DOK6: variants seen among roughly 807,000 people sequenced by gnomAD.
The protein encoded by DOK6 is downstream of tyrosine kinase 6.
Under a neutral mutation model 44.0 loss-of-function variants are expected in DOK6, and 22 were observed. That is an observed-to-expected ratio of 0.50 (90% CI 0.36 to 0.71). The LOEUF is 0.71. Ranked by LOEUF, DOK6 falls within the 30% of genes least tolerant of loss-of-function variation. The pLI, the probability that DOK6 is intolerant of heterozygous loss-of-function variation, is 0.00. For missense variants in DOK6, 340 were observed against 416.4 expected, an observed-to-expected ratio of 0.82 and a Z score of 1.60; for synonymous variants, 166 against 145.5, an observed-to-expected ratio of 1.14 and a Z score of -1.01.
chr18:69,490,173 ATGGG>A (rs1210599764), intron 1 of DOK6, among the ~76,000 whole-genome samples: 1 of 152,168 alleles, frequency 6.6e-6, no homozygotes, highest in African/African-American at 2.4e-5. Context: ...TCTTGCTGTA[ATGGG>A]TGAATGCTCT....
intron 3 of DOK6, chr18:69,659,835 TAAC>T (rs1568325172): frequency 0.026 from 801 of 31,190 alleles, 169 homozygotes; most frequent in Admixed American, 0.15. Context: ...TATATATATA[TAAC>T]ATATATGTAT....
At chr18:69,826,110 G>T (rs1981733185) in intron 7 of DOK6, among the ~76,000 whole-genome samples, 1 of 152,038 alleles carries the variant, frequency 6.6e-6, no homozygotes, top group Non-Finnish European at 1.5e-5. Context: ...TCTCCTGTAG[G>T]CCTATCAGGT....
intron 7 of DOK6, among the ~76,000 whole-genome samples, chr18:69,800,334 G>T (rs1980867155): frequency 6.6e-6 from 1 of 152,018 alleles, no homozygotes; most frequent in African/African-American, 2.4e-5. Flanking sequence ...TTATAACAAA[G>T]AAGCTAAATC....
At chr18:69,634,879 T>C (rs751041307) in intron 3 of DOK6, among the ~76,000 whole-genome samples, 7 of 152,220 alleles carry the variant, frequency 4.6e-5, no homozygotes, top group Non-Finnish European at 8.8e-5. Context: ...TTTGTAATTT[T>C]TTCCCCTTTC....
chr18:69,726,852 T>TAA (rs35924499), intron 5 of DOK6, among the ~76,000 whole-genome samples: 31 of 131,800 alleles, frequency 2.4e-4, no homozygotes, highest in Middle Eastern at 3.9e-3. Flanking sequence ...TGATCCTTTT[T>TAA]AAAAAAAAAA....
At position 69,841,558 on chromosome 18, in the gene DOK6, AAG is replaced by A. The variant is rs1396159278; in HGVS notation, c.*176_*177del. On this transcript the variant is annotated 3_prime_UTR_variant, in exon 8 of 8. Transcript: ENST00000382713. ...GTTCTGCTTCCTTGATTCAGTGGCT[AAG>A]TCCTTTATTTATTGAATTTCTTTGG... 4.0e-6 allele frequency: 3 copies of A among 757,514 alleles called. No individual in the cohort carries two copies. The highest frequency in any genetic ancestry group is 5.9e-6 in the Non-Finnish European group (3 of 504,776). The allele number at this position is 757,514 out of a possible 1,614,324, so 46.9% of individuals were successfully genotyped here. A position where few individuals can be genotyped will look rare whatever the true frequency, so the allele number is the denominator to read the frequency against.
intron 3 of DOK6, among the ~76,000 whole-genome samples, chr18:69,622,604 T>C (rs1013703827): frequency 1.3e-5 from 2 of 152,176 alleles, no homozygotes; most frequent in Non-Finnish European, 2.9e-5. Context: ...ACTTTGTTTA[T>C]AAATAGTGAG....
intron 1 of DOK6, among the ~76,000 whole-genome samples, chr18:69,534,421 T>G (rs1484781675): frequency 1.3e-5 from 2 of 152,156 alleles, no homozygotes; most frequent in Non-Finnish European, 2.9e-5. Context: ...GTGTTTTAGA[T>G]ATATAATTGT....
At chr18:69,498,626 A>G (rs1980962720) in intron 1 of DOK6, among the ~76,000 whole-genome samples, 1 of 152,212 alleles carries the variant, frequency 6.6e-6, no homozygotes, top group Admixed American at 6.5e-5. Context: ...AAGTTACCCC[A>G]CAATTAAAAG....
chr18:69,776,882 C>T (rs764420014), intron 7 of DOK6, among the ~76,000 whole-genome samples: 2 of 151,188 alleles, frequency 1.3e-5, no homozygotes, highest in East Asian at 2.0e-4. Flanking sequence ...GTTTGCTTCA[C>T]TTCTACTTTA....
intron 2 of DOK6, among the ~76,000 whole-genome samples, chr18:69,586,835 A>G (rs1983512776): frequency 6.6e-6 from 1 of 152,160 alleles, no homozygotes; most frequent in African/African-American, 2.4e-5. Context: ...TTCACCTCCC[A>G]CAGGCTGCCC....
intron 3 of DOK6, among the ~76,000 whole-genome samples, chr18:69,629,193 G>C (rs528393874): frequency 6.6e-6 from 1 of 152,184 alleles, no homozygotes; most frequent in African/African-American, 2.4e-5. Context: ...CTATGCAGAG[G>C]TTCATTTGTA....
At chr18:69,704,640 A>G (rs552438702) in intron 5 of DOK6, among the ~76,000 whole-genome samples, 47 of 151,950 alleles carry the variant, frequency 3.1e-4, no homozygotes, top group South Asian at 8.3e-4. Context: ...CACCATGCCC[A>G]GCTAATTTTT....
At chr18:69,579,065 A>G (rs1433178229) in intron 2 of DOK6, among the ~76,000 whole-genome samples, 1 of 152,188 alleles carries the variant, frequency 6.6e-6, no homozygotes, top group African/African-American at 2.4e-5. Context: ...TTTATTTGAG[A>G]GCAGGTCCTT....
rs13313618 is a variant in DOK6 at position 69,609,038 on chromosome 18, G to C, written c.289+9540G>C. Among the ~76,000 whole-genome samples, 5 of 151,098 alleles carry C rather than the reference G, an allele frequency of 3.3e-5. No individual in the cohort carries two copies. The South Asian group carries it at 1.0e-3, about 31-fold the overall frequency. On this transcript the variant is annotated intron_variant, in intron 3 of 7. Coordinates refer to ENST00000382713, the MANE Select transcript of DOK6 (RefSeq NM_152721.6). Reference sequence around the variant, plus strand: ...TAACTATTTTATTCTTTTTGGTGCTGTTGTAAAACTCCAAGAAGAAAACTT... The same window carrying C: ...TAACTATTTTATTCTTTTTGGTGCTCTTGTAAAACTCCAAGAAGAAAACTT...
chr18:69,667,925 T>A (rs116961331), intron 3 of DOK6, among the ~76,000 whole-genome samples: 1 of 152,338 alleles, frequency 6.6e-6, no homozygotes, highest in Non-Finnish European at 1.5e-5. Context: ...GCTCATATAG[T>A]GAACTGCCTA....
chr18:69,748,061 C>T (rs1022028903), intron 6 of DOK6, among the ~76,000 whole-genome samples: 1 of 152,026 alleles, frequency 6.6e-6, no homozygotes, highest in African/African-American at 2.4e-5. Flanking sequence ...ATTTACCAAG[C>T]AAATTGAAAA....
chr18:69,777,026 A>T, intron 7 of DOK6, among the ~76,000 whole-genome samples: 1 of 149,762 alleles, frequency 6.7e-6, no homozygotes, highest in South Asian at 2.1e-4. Flanking sequence ...TAGCATTAGG[A>T]GGTATACCTA....
chr18:69,430,732 C>T (rs1978782215), intron 1 of DOK6, among the ~76,000 whole-genome samples: 1 of 152,062 alleles, frequency 6.6e-6, no homozygotes, highest in African/African-American at 2.4e-5. Flanking sequence ...TTTGGAAGGC[C>T]GAGGCTGGTG....
Sources: allele counts gnomAD v4.1 joint callset (sites outside exome capture counted in the v4.1 genomes callset), GRCh38; gene constraint gnomAD v4.1.1; transcripts MANE v1.5; gene names NCBI Gene and HGNC (gene_info 2026-07-23, HGNC 2026-07-21).